Variants in BMPR1B observed in about 807,000 individuals in gnomAD.
BMPR1B encodes bone morphogenetic protein receptor type 1B.
A neutral mutation model predicts 59.1 loss-of-function variants in BMPR1B; 12 were observed. That is an observed-to-expected ratio of 0.20 (90% CI 0.13 to 0.33). BMPR1B has a LOEUF of 0.33. Ranked by LOEUF, BMPR1B falls within the 10% of genes least tolerant of loss-of-function variation. BMPR1B has a pLI of 1.00. For missense variants in BMPR1B, 550 were observed against 610.9 expected (o/e 0.90, Z 1.05); for synonymous variants, 237 against 207.3 (o/e 1.14, Z -1.23).
chr4:94,801,249 T>TC (rs1723395475), intron 1 of BMPR1B, among the ~76,000 whole-genome samples: 1 of 152,212 alleles, frequency 6.6e-6, no homozygotes, highest in African/African-American at 2.4e-5. Flanking sequence ...TTATGACAGA[T>TC]CATCACCCTG....
chr4:95,148,553 C>T (rs1379671117), intron 10 of BMPR1B, among the ~76,000 whole-genome samples, 195 bp from the exon 11 acceptor site: 1 of 152,034 alleles, frequency 6.6e-6, no homozygotes, highest in Non-Finnish European at 1.5e-5. Context: ...ATCAGCTTGC[C>T]TTTCATTGGC....
chr4:94,889,367 G>A (rs747818332), intron 2 of BMPR1B, among the ~76,000 whole-genome samples: 1 of 152,006 alleles, frequency 6.6e-6, no homozygotes, highest in Non-Finnish European at 1.5e-5. Flanking sequence ...TCTAGGCCCT[G>A]CGTCAACTCT....
chr4:95,046,291 C>A (rs1726056905), intron 3 of BMPR1B, among the ~76,000 whole-genome samples: 1 of 152,102 alleles, frequency 6.6e-6, no homozygotes, highest in Admixed American at 6.5e-5. Context: ...GTGACAGGAA[C>A]AACTTGATAA....
At chr4:95,026,085 A>G (rs184576782) in intron 3 of BMPR1B, among the ~76,000 whole-genome samples, 7 of 79,732 alleles carry the variant, frequency 8.8e-5, no homozygotes, top group African/African-American at 2.3e-4. Context: ...GGCTGGCTGG[A>G]TTGCTTTCTT....
At chr4:94,881,404 T>C (rs2148979376) in intron 2 of BMPR1B, among the ~76,000 whole-genome samples, 1 of 152,290 alleles carries the variant, frequency 6.6e-6, no homozygotes, top group East Asian at 1.9e-4. Flanking sequence ...ATAGGTGATC[T>C]TCAGCAGAAG....
At chr4:95,000,523 G>A (rs570305442) in intron 3 of BMPR1B, among the ~76,000 whole-genome samples, 64 of 139,612 alleles carry the variant, frequency 4.6e-4, no homozygotes, top group Middle Eastern at 3.8e-3. Flanking sequence ...GAAAGAAAGA[G>A]AGAGAGAGAA....
chr4:95,038,065 T>A (rs1335783288), intron 3 of BMPR1B, among the ~76,000 whole-genome samples: 2 of 152,122 alleles, frequency 1.3e-5, no homozygotes, highest in Non-Finnish European at 2.9e-5. Flanking sequence ...GTGGTTGTAG[T>A]AGTAAATAGA....
chr4:95,035,971 G>T (rs1425040049), intron 3 of BMPR1B, among the ~76,000 whole-genome samples: 4 of 151,918 alleles, frequency 2.6e-5, no homozygotes, highest in Non-Finnish European at 5.9e-5. Flanking sequence ...GAGTTTTGTG[G>T]TTTTCCTTGT....
At chr4:94,823,853 C>G (rs547957782) in intron 1 of BMPR1B, among the ~76,000 whole-genome samples, 7 of 152,140 alleles carry the variant, frequency 4.6e-5, no homozygotes, top group South Asian at 2.1e-4. Context: ...GTTCACACCA[C>G]TCTCCTGCCT....
chr4:95,061,381 C>T (rs749423748), intron 3 of BMPR1B, among the ~76,000 whole-genome samples: 6 of 152,114 alleles, frequency 3.9e-5, no homozygotes, highest in Admixed American at 6.5e-5. Context: ...CTCAGCAATG[C>T]AGCTGTCTCT....
At chr4:95,037,716 C>A (rs150477306) in intron 3 of BMPR1B, among the ~76,000 whole-genome samples, 17 of 152,012 alleles carry the variant, frequency 1.1e-4, no homozygotes, top group African/African-American at 4.1e-4. Flanking sequence ...GAGGGCAAGC[C>A]AGGATTTGGA....
intron 3 of BMPR1B, among the ~76,000 whole-genome samples, chr4:95,023,897 A>G (rs1217445310): frequency 1.3e-5 from 2 of 152,184 alleles, no homozygotes; most frequent in Non-Finnish European, 2.9e-5. Flanking sequence ...TCATTTGTTC[A>G]ATGTGACAAT....
chr4:95,037,638 G>A (rs969353834), intron 3 of BMPR1B, among the ~76,000 whole-genome samples: 6 of 152,108 alleles, frequency 3.9e-5, no homozygotes, highest in African/African-American at 1.4e-4. Context: ...AAAGGATAAA[G>A]ACTAAGAAAA....
At position 94,982,878 on chromosome 4, in the gene BMPR1B, G is replaced by A. The variant is rs534362711; in HGVS notation, c.-112-13162G>A. 1.6e-3 allele frequency among the ~76,000 whole-genome samples: 241 copies of A among 152,054 alleles called. 1 individual carries two copies. The highest frequency in any genetic ancestry group is 5.4e-3 in the African/African-American group (223 of 41,484). ...TGGGCGCCTGTAGTCCCAGCTACTC[G>A]GGAAGCTGAGGCAGGAGAATGGCAT... On this transcript the variant is annotated intron_variant, in intron 2 of 12. Coordinates refer to ENST00000515059, the MANE Select transcript of BMPR1B (RefSeq NM_001203.3).
intron 3 of BMPR1B, among the ~76,000 whole-genome samples, chr4:95,090,681 T>A (rs1729913473): frequency 6.6e-6 from 1 of 152,048 alleles, no homozygotes; most frequent in African/African-American, 2.4e-5. Context: ...TTTGAAATAT[T>A]TGTGTATGGT....
chr4:94,846,757 G>C (rs767807742), intron 1 of BMPR1B, among the ~76,000 whole-genome samples: 1 of 151,412 alleles, frequency 6.6e-6, no homozygotes, highest in African/African-American at 2.4e-5. Flanking sequence ...CATTAGTTCT[G>C]TCCTTCTAGA....
intron 2 of BMPR1B, among the ~76,000 whole-genome samples, chr4:94,928,695 CAT>C (rs960146031): frequency 9.3e-5 from 14 of 151,208 alleles, no homozygotes; most frequent in Non-Finnish European, 1.6e-4. Context: ...GATATGAAAA[CAT>C]GTAAAGATAT....
At chr4:95,139,913 G>A (rs540646527) in intron 10 of BMPR1B, among the ~76,000 whole-genome samples, 91 of 152,244 alleles carry the variant, frequency 6.0e-4, no homozygotes, top group African/African-American at 1.9e-3. Context: ...ACCCTGCTTC[G>A]GCTCACACTG....
Position 95,106,082 on chromosome 4 carries a change from T to C in BMPR1B, c.143+1515T>C, listed in dbSNP as rs868644364. 5.9e-5 allele frequency among the ~76,000 whole-genome samples: 9 copies of C among 152,074 alleles called. No homozygotes were observed. In the Middle Eastern group the frequency reaches 0.02, roughly 345 times the overall value. On this transcript the variant is annotated intron_variant, in intron 4 of 12. Coordinates refer to ENST00000515059, the MANE Select transcript of BMPR1B (RefSeq NM_001203.3). ...CAGGGTATCTGCAGTGGAAATTCTG[T>C]TGTGGGAAGAAGCTTGGCGTGTTCA... is the stretch of plus-strand genomic sequence containing the variant.
Sources: gnomAD v4.1 joint callset for allele counts (sites outside exome capture counted in the v4.1 genomes callset) on GRCh38, gnomAD v4.1.1 for gene constraint, MANE v1.5 for transcripts, NCBI Gene and HGNC (gene_info 2026-07-23, HGNC 2026-07-21) for gene names.